LY9: variants seen among roughly 807,000 people sequenced by gnomAD.
LY9 encodes the protein lymphocyte antigen 9.
LY9 carries 59 observed loss-of-function variants against 64.6 expected under a neutral mutation model. That is an observed-to-expected ratio of 0.91 (90% confidence interval 0.74 to 1.13). The LOEUF (loss-of-function observed/expected upper bound fraction) is 1.13, where lower values mean the gene tolerates loss of function less well. Among genes scored for constraint, LY9 ranks in the 50% most tolerant of loss-of-function variants. The probability of loss-of-function intolerance (pLI) is 0.00; values close to 1 mark genes in which losing one functional copy is unlikely to be tolerated. For missense variants in LY9, 789 were observed against 797.2 expected (o/e 0.99, Z 0.12); for synonymous variants, 281 against 308.5 (o/e 0.91, Z 0.93).
intron 2 of LY9, 124 bp downstream of exon 2, chr1:160,800,206 G>A (rs1209304466): frequency 2.9e-6 from 2 of 680,066 alleles, no homozygotes; most frequent in African/African-American, 1.8e-5. Context: ...AGTTTTCAGT[G>A]TGTCTGCTGC....
intron 3 of LY9, among the ~76,000 whole-genome samples, chr1:160,814,187 C>T (rs1041166708): frequency 3.3e-5 from 5 of 152,088 alleles, no homozygotes; most frequent in Non-Finnish European, 5.9e-5. Context: ...GAGGTGTTTC[C>T]GGGTACCCTC....
At chr1:160,799,718 A>G (rs1215871994) in intron 1 of LY9, 35 bp from the exon 2 acceptor site, 1 of 1,376,440 alleles carries the variant, frequency 7.3e-7, no homozygotes, top group African/African-American at 1.4e-5. Flanking sequence ...CAAGGAGTCT[A>G]GCTGCTCCTC....
chr1:160,809,562 A>G (rs1365089568), intron 2 of LY9, among the ~76,000 whole-genome samples: 1 of 151,960 alleles, frequency 6.6e-6, no homozygotes, highest in Non-Finnish European at 1.5e-5. Flanking sequence ...GGTTCTCACT[A>G]TGTTGCCCAG....
chr1:160,819,239 T>C, intron 6 of LY9, 82 bp from the exon 7 acceptor site: 2 of 1,051,598 alleles, frequency 1.9e-6, no homozygotes, highest in Admixed American at 3.4e-5. Context: ...GTCTCTCCCC[T>C]TCTCATTTGA....
At chr1:160,822,536 C>CT (rs1245394890) in intron 7 of LY9, among the ~76,000 whole-genome samples, 32 of 152,172 alleles carry the variant, frequency 2.1e-4, no homozygotes, top group Non-Finnish European at 2.2e-4. Context: ...CCCATGCAAG[C>CT]TCCCAGCTTG....
At chr1:160,807,606 CT>C (rs1667101205) in intron 2 of LY9, among the ~76,000 whole-genome samples, 1 of 152,052 alleles carries the variant, frequency 6.6e-6, no homozygotes, top group South Asian at 2.1e-4. Flanking sequence ...CTCAGGCCCC[CT>C]GGCAGTCAGT....
intron 2 of LY9, among the ~76,000 whole-genome samples, chr1:160,805,741 T>TCACA (rs60721619): frequency 0.078 from 10,973 of 140,526 alleles, 425 homozygotes; most frequent in Non-Finnish European, 0.09. Flanking sequence ...TCTCTCTGTC[T>TCACA]CACACACACA....
chr1:160,802,691 T>TA (rs888328496), intron 2 of LY9: 4 of 961,166 alleles, frequency 4.2e-6, no homozygotes, highest in Admixed American at 6.3e-5. Flanking sequence ...ACATGGTCTC[T>TA]AAAAAAATAA....
At chr1:160,809,128 T>A (rs1667243754) in intron 2 of LY9, among the ~76,000 whole-genome samples, 1 of 152,090 alleles carries the variant, frequency 6.6e-6, no homozygotes, top group Non-Finnish European at 1.5e-5. Flanking sequence ...TAGGTTATAT[T>A]CTGATGGATA....
intron 2 of LY9, chr1:160,809,777 T>G (rs571897542): frequency 2.6e-5 from 4 of 152,346 alleles, no homozygotes; most frequent in Admixed American, 2.6e-4. Flanking sequence ...TAACAAAGTA[T>G]TGTCAAACAT....
chr1:160,823,422 TG>T (rs1668631836), intron 7 of LY9, 42 bp from the exon 8 acceptor site: 1 of 1,458,274 alleles, frequency 6.9e-7, no homozygotes, highest in African/African-American at 1.4e-5. Context: ...AGAAGAGAGG[TG>T]GGGTTGGCAT....
intron 6 of LY9, 69 bp from the exon 7 acceptor site, chr1:160,819,252 C>T (rs1668188886): frequency 1.5e-5 from 18 of 1,195,084 alleles, no homozygotes; most frequent in Non-Finnish European, 2.3e-5. Flanking sequence ...TCATTTGACT[C>T]TCACAGAATA....
intron 1 of LY9, chr1:160,797,186 C>G (rs1238342175): frequency 2.0e-6 from 2 of 985,480 alleles, no homozygotes; most frequent in East Asian, 2.3e-4. Context: ...AATCCAGTAC[C>G]CCAGAGAGGA....
At chr1:160,826,114 A>G (rs964809452) in intron 9 of LY9, among the ~76,000 whole-genome samples, 36 of 152,258 alleles carry the variant, frequency 2.4e-4, no homozygotes, top group Non-Finnish European at 1.2e-4. Flanking sequence ...CGTGTATTAT[A>G]TACTGTATTC....
intron 2 of LY9, among the ~76,000 whole-genome samples, chr1:160,807,786 A>G (rs527838675): frequency 1.3e-5 from 2 of 152,272 alleles, no homozygotes; most frequent in South Asian, 2.1e-4. Flanking sequence ...GCCCCTGTGG[A>G]AAAATGCTCA....
chr1:160,802,739 T>G (rs543969853), intron 2 of LY9: 1 of 884,254 alleles, frequency 1.1e-6, no homozygotes, highest in East Asian at 1.2e-4. Context: ...AAGTATCTTT[T>G]CTCCCCAGTG....
At chr1:160,807,447 G>A (rs1224957433) in intron 2 of LY9, among the ~76,000 whole-genome samples, 1 of 152,240 alleles carries the variant, frequency 6.6e-6, no homozygotes, top group Non-Finnish European at 1.5e-5. Flanking sequence ...TCAGGCCACA[G>A]TGGTGGCAGC....
chr1:160,824,051 C>A, intron 8 of LY9, 130 bp from the exon 9 acceptor site: 2 of 1,133,558 alleles, frequency 1.8e-6, no homozygotes, highest in Non-Finnish European at 2.6e-6. Flanking sequence ...GTCCCCACTG[C>A]ACTAAGGCAG....
rs1667732287 is a variant in LY9, at chr1:160,813,967, T to C, written c.730+56T>C. The C allele has an allele frequency of 4.5e-6, 7 of 1,561,056 alleles. No individual in the cohort carries two copies. In the Admixed American group the frequency reaches 7.2e-5, roughly 16 times the overall value. ...ATTCCAGAAACAATATGAGCAGCTGTGGAGTCTAAACCCTAGGATCCTGGT... is the reference window on the plus strand; with the variant it reads ...ATTCCAGAAACAATATGAGCAGCTGCGGAGTCTAAACCCTAGGATCCTGGT... On this transcript the variant is annotated intron_variant, in intron 3 of 9. Transcript: ENST00000263285.
Sources: gnomAD v4.1 joint callset for allele counts (sites outside exome capture counted in the v4.1 genomes callset) on GRCh38, gnomAD v4.1.1 for gene constraint, MANE v1.5 for transcripts, NCBI Gene and HGNC (gene_info 2026-07-23, HGNC 2026-07-21) for gene names.